The following ZNF883 variants were observed in gnomAD, a reference collection of about 807,000 sequenced individuals.
The protein encoded by ZNF883 is zinc finger protein 883.
intron 2 of ZNF883, among the ~76,000 whole-genome samples, chr9:113,010,716 G>T (rs1001605437): frequency 6.6e-6 from 1 of 152,064 alleles, no homozygotes; most frequent in Non-Finnish European, 1.5e-5. Context: ...GGCCGGGCAC[G>T]GTGACTCACA....
intron 2 of ZNF883, among the ~76,000 whole-genome samples, chr9:113,005,569 T>A (rs751636417): frequency 1.3e-5 from 2 of 152,188 alleles, no homozygotes; most frequent in Non-Finnish European, 2.9e-5. Flanking sequence ...AAAAGGTTTA[T>A]TTATTTGTAT....
intron 2 of ZNF883, among the ~76,000 whole-genome samples, chr9:113,010,500 A>G (rs1049447213): frequency 2.0e-5 from 3 of 152,202 alleles, no homozygotes; most frequent in African/African-American, 7.2e-5. Context: ...CATACACGTT[A>G]TGAACTATTG....
chr9:113,007,273 T>C (rs1828488381), intron 2 of ZNF883, among the ~76,000 whole-genome samples: 1 of 152,242 alleles, frequency 6.6e-6, no homozygotes, highest in South Asian at 2.1e-4. Flanking sequence ...CGATTAATGT[T>C]CTGCAAGCTA....
chr9:113,002,423 C>T (rs549977237), upstream of ZNF883, among the ~76,000 whole-genome samples: 5 of 152,082 alleles, frequency 3.3e-5, no homozygotes, highest in East Asian at 9.7e-4. Flanking sequence ...AATGACACTA[C>T]ATAAATACTA....
chr9:112,997,993 T>C (rs1453534863), exon 1 of ZNF883: 7 of 1,613,768 alleles, frequency 4.3e-6, no homozygotes, highest in Non-Finnish European at 5.9e-6. Context: ...CAGTATGGAC[T>C]CTTTGATGCT....
At chr9:112,990,930 T>C (rs925444728) in intron 1 of ZNF883, among the ~76,000 whole-genome samples, 11 of 152,180 alleles carry the variant, frequency 7.2e-5, no homozygotes, top group African/African-American at 2.7e-4. Context: ...TGATGGTTGG[T>C]TGTATTTCTG....
chr9:113,008,724 G>A (rs1175726573), intron 2 of ZNF883, among the ~76,000 whole-genome samples: 2 of 151,968 alleles, frequency 1.3e-5, no homozygotes, highest in Non-Finnish European at 2.9e-5. Context: ...GCACTGTCCC[G>A]GGTAAGTGAG....
chr9:113,008,171 T>A lies in ZNF883; in HGVS notation n.165+2970A>T, dbSNP rs552572562. ...TAAACATTTTAAGTGGAAAGCCTCA[T>A]GTTTACACATGCAAATTACTGCCTA... On this transcript the variant is annotated intron_variant and non_coding_transcript_variant, in intron 2 of 4. Transcript: ENST00000638622. Among the ~76,000 whole-genome samples, 59 of 152,378 alleles carry A rather than the reference T, an allele frequency of 3.9e-4. 1 individual carries two copies. In the South Asian group the frequency reaches 0.012, roughly 32 times the overall value.
downstream of ZNF883, among the ~76,000 whole-genome samples, chr9:112,996,814 AAAAAAAAAAAGT>A (rs1376377334): frequency 2.4e-4 from 28 of 119,070 alleles, no homozygotes; most frequent in African/African-American, 6.9e-4. Context: ...AAAAAAAAAA[AAAAAAAAAAAGT>A]TTTTTTATAA....
At chr9:113,005,546 A>G (rs1219832620) in intron 2 of ZNF883, among the ~76,000 whole-genome samples, 2 of 152,210 alleles carry the variant, frequency 1.3e-5, no homozygotes, top group African/African-American at 4.8e-5. Flanking sequence ...CTGCTCTCAT[A>G]TACTCTTAGT....
downstream of ZNF883, among the ~76,000 whole-genome samples, chr9:112,993,799 C>G (rs1297192358): frequency 1.3e-5 from 2 of 152,226 alleles, no homozygotes; most frequent in Non-Finnish European, 2.9e-5. Context: ...GAGGATTGAT[C>G]AGGGCCTGGC....
At chr9:112,998,039 C>A in exon 1 of ZNF883, 1 of 1,613,848 alleles carries the variant, frequency 6.2e-7, no homozygotes, top group Non-Finnish European at 8.5e-7. Flanking sequence ...AGCTTTCCCA[C>A]ATTCATTACA....
At chr9:113,007,193 CA>C (rs1828487313) in intron 2 of ZNF883, among the ~76,000 whole-genome samples, 1 of 152,102 alleles carries the variant, frequency 6.6e-6, no homozygotes, top group African/African-American at 2.4e-5. Context: ...GACTCCGTCT[CA>C]AAAGAAAAAA....
intron 1 of ZNF883, among the ~76,000 whole-genome samples, chr9:112,988,152 T>G (rs1828270886): frequency 6.6e-6 from 1 of 151,896 alleles, no homozygotes; most frequent in Admixed American, 6.6e-5. Context: ...TTAAAAAAAT[T>G]TAATTTTAAG....
intron 2 of ZNF883, among the ~76,000 whole-genome samples, chr9:113,008,801 T>C (rs1587898309): frequency 6.6e-6 from 1 of 151,922 alleles, no homozygotes; most frequent in African/African-American, 2.4e-5. Context: ...CATTTCTCCA[T>C]AGTAACAGGA....
chr9:112,988,143 T>A (rs904220237), intron 1 of ZNF883, among the ~76,000 whole-genome samples: 3 of 152,206 alleles, frequency 2.0e-5, no homozygotes, highest in Middle Eastern at 3.4e-3. Context: ...TTGTATCTTT[T>A]AAAAAAATTT....
exon 1 of ZNF883, chr9:112,997,975 T>C (rs370788626): frequency 6.2e-7 from 1 of 1,613,688 alleles, no homozygotes. Context: ...ACTCATAAGG[T>C]TTCTCCCCAG....
chr9:113,010,092 A>G (rs1163326969), intron 2 of ZNF883, among the ~76,000 whole-genome samples: 10 of 151,150 alleles, frequency 6.6e-5, no homozygotes, highest in Admixed American at 6.6e-4. Flanking sequence ...CCACATAGGC[A>G]GAAACTTTGT....
rs564834430 is a variant in ZNF883 at position 112,990,763 on chromosome 9, G to GT, written n.310-7185dup. Among the ~76,000 whole-genome samples, 128 of 152,014 alleles carry GT rather than the reference G, an allele frequency of 8.4e-4. 1 individual carries two copies. Among genetic ancestry groups the GT allele is most frequent in the Middle Eastern group, 3.4e-3 (1 of 292 alleles). ...GGTCCTGGGCTTTTTTTTTGTTGTT[G>GT]TTGGTAGCTTATTATTGCCTAATTT... On this transcript the variant is annotated intron_variant and non_coding_transcript_variant, in intron 1 of 9. Transcript: ENST00000638823.
Sources: allele counts gnomAD v4.1 joint callset (sites outside exome capture counted in the v4.1 genomes callset), GRCh38; gene constraint gnomAD v4.1.1; transcripts MANE v1.5; gene names NCBI Gene and HGNC (gene_info 2026-07-23, HGNC 2026-07-21).